Variants in LRRC71 observed in about 807,000 individuals in gnomAD.
The protein encoded by LRRC71 is leucine rich repeat containing 71.
LRRC71 carries 54 observed loss-of-function variants against 66.6 expected under a neutral mutation model. That is an observed-to-expected ratio of 0.81 (90% CI 0.65 to 1.02). LRRC71 has a LOEUF of 1.02. Ranked by LOEUF, LRRC71 falls within the 50% of genes least tolerant of loss-of-function variation. The pLI is 0.00. For missense variants in LRRC71, 724 were observed against 718.0 expected, an observed-to-expected ratio of 1.01 and a Z score of -0.10; for synonymous variants, 323 against 303.9, an observed-to-expected ratio of 1.06 and a Z score of -0.65.
Position 156,924,557 on chromosome 1 carries a change from G to A in LRRC71, c.439+5G>A, listed in dbSNP as rs781374670. 11 of 1,551,504 alleles carry A rather than the reference G, an allele frequency of 7.1e-6. No individual in the cohort carries two copies. The South Asian group carries it at 1.1e-4, about 15-fold the overall frequency. ...TGAAGGAAATCTACATCCGCGGTGA[G>A]CCCCGCTCCCCCCACCCGCCCCAGC... On this transcript the variant is annotated splice_donor_5th_base_variant and intron_variant, in intron 3 of 14. Transcript: ENST00000337428.
In LRRC71 at chr1:156,924,369, C is replaced by G. The variant is rs541884140; in HGVS notation, c.311-55C>G. The G allele has an allele frequency of 5.2e-6, 8 of 1,525,696 alleles. No homozygotes were observed. The Admixed American group carries it at 1.4e-4, about 27-fold the overall frequency. The allele number at this position is 1,525,696 out of a possible 1,614,324, so 94.5% of individuals were successfully genotyped here. A position where few individuals can be genotyped will look rare whatever the true frequency, so the allele number is the denominator to read the frequency against. ...CCACCCGGGCACCCGTGGGCCGGCC[C>G]GGCGTGGGGCCCTGGAGGTGGCTGT... On this transcript the variant is annotated intron_variant, in intron 2 of 14. Transcript: ENST00000337428.
chr1:156,934,829 C>A, downstream of LRRC71: 1 of 151,450 alleles, frequency 6.6e-6, no homozygotes, highest in Admixed American at 6.6e-5. Context: ...AAGAAACACA[C>A]ACACCACCAC....
intron 9 of LRRC71, among the ~76,000 whole-genome samples, chr1:156,928,945 C>A (rs189279956): frequency 6.6e-6 from 1 of 152,018 alleles, no homozygotes; most frequent in African/African-American, 2.4e-5. Flanking sequence ...TCATGACTGT[C>A]GAGAGGATTT....
At chr1:156,924,142 G>C (rs1471842277) in intron 2 of LRRC71, 44 bp downstream of exon 2, 1 of 1,542,210 alleles carries the variant, frequency 6.5e-7, no homozygotes, top group Non-Finnish European at 8.8e-7. Flanking sequence ...GGGCCGCCTA[G>C]TCCATCCTCA....
chr1:156,932,234 G>A (rs1282964359), intron 13 of LRRC71, 190 bp from the exon 14 acceptor site: 1 of 661,302 alleles, frequency 1.5e-6, no homozygotes, highest in Non-Finnish European at 2.7e-6. Context: ...TTGGAGTAAT[G>A]AGAGGAGTTA....
chr1:156,932,116 A>G, intron 13 of LRRC71, 89 bp downstream of exon 13: 2 of 1,050,480 alleles, frequency 1.9e-6, no homozygotes, highest in East Asian at 5.2e-5. Flanking sequence ...TCTATGGAGC[A>G]GAGCTGGTCC....
the LRRC71 span, chr1:156,938,710 A>G: frequency 1.9e-6 from 1 of 520,232 alleles, no homozygotes. Context: ...ACCGAGAGAC[A>G]GAGAAGGAAG....
chr1:156,928,404 CTTCCTCT>C (rs1653655676), intron 9 of LRRC71, among the ~76,000 whole-genome samples: 1 of 133,426 alleles, frequency 7.5e-6, no homozygotes, highest in Non-Finnish European at 1.5e-5. Context: ...TCTTCTTCTT[CTTCCTCT>C]TATTCCTCCT....
rs1416496068 is a variant in LRRC71, at chr1:156,929,348, T to C, written c.1065T>C (p.Asn355=). ...REKSQMVGIS[N]SALVDKTDKT... ...AGAGTCAGATGGTAGGGATCAGCAATAGTGCATTGGTGGACAAGACAGACA... is the reference window on the plus strand; with the variant it reads ...AGAGTCAGATGGTAGGGATCAGCAACAGTGCATTGGTGGACAAGACAGACA... The change falls in exon 10 of 15, where the codon AAT becomes AAC. Residue 355 remains asparagine, a synonymous_variant. Transcript: ENST00000337428. 1.2e-6 allele frequency: 2 copies of C among 1,613,134 alleles called. No homozygotes were observed. The highest frequency in any genetic ancestry group is 3.3e-5 in the Admixed American group (2 of 59,894).
chr1:156,927,326 AT>A, intron 6 of LRRC71, 56 bp downstream of exon 6: 1 of 1,589,948 alleles, frequency 6.3e-7, no homozygotes, highest in Non-Finnish European at 8.6e-7. Context: ...ATTCCAAGCC[AT>A]TTTTAGTCCC....
At chr1:156,930,017 T>G (rs900218635) in intron 11 of LRRC71, among the ~76,000 whole-genome samples, 8 of 143,214 alleles carry the variant, frequency 5.6e-5, no homozygotes, top group Non-Finnish European at 9.4e-5. Flanking sequence ...CCATTTCTTT[T>G]TTCTTTTCTT....
chr1:156,940,056 G>A, the LRRC71 span: 3 of 1,424,348 alleles, frequency 2.1e-6, no homozygotes, highest in Non-Finnish European at 2.8e-6. Flanking sequence ...GGTGGGGGTT[G>A]GGTGGGGAAT....
chr1:156,925,369 C>A (rs1009869025), intron 5 of LRRC71, among the ~76,000 whole-genome samples: 1 of 152,206 alleles, frequency 6.6e-6, no homozygotes, highest in Non-Finnish European at 1.5e-5. Context: ...CAGTTCTTAT[C>A]CTCCAGGAAC....
At chr1:156,933,884 C>T (rs927766112), downstream of LRRC71, among the ~76,000 whole-genome samples, 1 of 152,230 alleles carries the variant, frequency 6.6e-6, no homozygotes, top group Non-Finnish European at 1.5e-5. Flanking sequence ...CATCCCACTG[C>T]CTCTGCCTAC....
In LRRC71 at chr1:156,928,016, C is replaced by T. The variant is rs773585753; in HGVS notation, c.996+12C>T. ...AGCGCTCGCGATCGGTGAGGAGCTA[C>T]CAGGCCCCAGGACCAGCCGAGAGCC... On this transcript the variant is annotated intron_variant, in intron 9 of 14. Coordinates refer to ENST00000337428, the MANE Select transcript of LRRC71 (RefSeq NM_144702.3). 3 of 1,580,102 alleles carry T rather than the reference C, an allele frequency of 1.9e-6. No individual in the cohort carries two copies. In the South Asian group the frequency reaches 3.5e-5, roughly 18 times the overall value.
At chr1:156,929,134 A>G in intron 9 of LRRC71, 146 bp from the exon 10 acceptor site, 1 of 970,208 alleles carries the variant, frequency 1.0e-6, no homozygotes. Flanking sequence ...TCCTATACAA[A>G]TTATTTTAGC....
intron 6 of LRRC71, 37 bp from the exon 7 acceptor site, chr1:156,927,459 T>C: frequency 2.0e-6 from 3 of 1,521,376 alleles, no homozygotes; most frequent in Non-Finnish European, 2.6e-6. Flanking sequence ...CCCTGTACCT[T>C]TTCCAGCGAC....
intron 2 of LRRC71, 95 bp downstream of exon 2, chr1:156,924,193 C>A: frequency 2.1e-6 from 3 of 1,400,114 alleles, no homozygotes; most frequent in Non-Finnish European, 2.9e-6. Context: ...GGACGCGGGG[C>A]GGTGTGTGTG....
Position 156,927,507 on chromosome 1 carries a change from T to G in LRRC71, c.674T>G (p.Leu225Trp), listed in dbSNP as rs1023211908. 10 of 1,531,786 alleles carry G rather than the reference T, an allele frequency of 6.5e-6. No individual in the cohort carries two copies. The highest frequency in any genetic ancestry group is 8.8e-6 in the Non-Finnish European group (10 of 1,139,292). 94.9% of individuals were successfully genotyped at this position (1,531,786 alleles called of 1,614,324 possible). ...LMALDSTIAHLSLRNNNIDDR... is the reference protein window; with the variant it reads ...LMALDSTIAHWSLRNNNIDDR... Reference sequence around the variant, plus strand: ...TCCGGCTGCCCCAGGATTGCGCACTTGTCTCTGCGGAACAATAACATCGAC... The same window carrying G: ...TCCGGCTGCCCCAGGATTGCGCACTGGTCTCTGCGGAACAATAACATCGAC... The change falls in exon 7 of 15, where the codon TTG becomes TGG. Residue 225 changes from leucine to tryptophan, a missense_variant. Transcript: ENST00000337428.
Sources: gnomAD v4.1 joint callset for allele counts (sites outside exome capture counted in the v4.1 genomes callset) on GRCh38, gnomAD v4.1.1 for gene constraint, MANE v1.5 for transcripts, NCBI Gene and HGNC (gene_info 2026-07-23, HGNC 2026-07-21) for gene names.